CLIC4: variants seen among roughly 807,000 people sequenced by gnomAD.
CLIC4 encodes the protein CLIC family member 4, also known as chloride intracellular channel protein 4.
In CLIC4, 13 loss-of-function variants were observed where a neutral mutation model predicts 24.6. That is an observed-to-expected ratio of 0.53 (90% CI 0.34 to 0.84). CLIC4 has a LOEUF of 0.84. CLIC4 is among the 40% of genes least tolerant of loss of function. The pLI is 0.01. For missense variants in CLIC4, 227 were observed against 301.7 expected (o/e 0.75, Z 1.83); for synonymous variants, 104 against 111.3 (o/e 0.93, Z 0.41).
intron 1 of CLIC4, among the ~76,000 whole-genome samples, chr1:24,781,215 A>G (rs910242901): frequency 2.1e-5 from 3 of 141,828 alleles, no homozygotes; most frequent in African/African-American, 7.9e-5. Flanking sequence ...GCTCACTGCA[A>G]CCTCTGTCTC....
intron 1 of CLIC4, among the ~76,000 whole-genome samples, chr1:24,789,151 A>C (rs1639305206): frequency 6.6e-6 from 1 of 152,234 alleles, no homozygotes; most frequent in Non-Finnish European, 1.5e-5. Flanking sequence ...AAATTTCTAG[A>C]TATAAAATTA....
intron 2 of CLIC4, among the ~76,000 whole-genome samples, chr1:24,803,683 G>T (rs1014364159): frequency 2.0e-5 from 3 of 152,140 alleles, no homozygotes; most frequent in Non-Finnish European, 2.9e-5. Flanking sequence ...TTGAACAAAA[G>T]CTTCAGATAA....
chr1:24,746,253 T>G (rs754944060), intron 1 of CLIC4, among the ~76,000 whole-genome samples: 4 of 152,208 alleles, frequency 2.6e-5, no homozygotes, highest in Non-Finnish European at 4.4e-5. Context: ...TTACTGGCTT[T>G]CTCGTTTCTC....
chr1:24,776,386 T>A (rs796243237), intron 1 of CLIC4, among the ~76,000 whole-genome samples: 3 of 152,316 alleles, frequency 2.0e-5, no homozygotes, highest in African/African-American at 7.2e-5. Flanking sequence ...CCTCCAATAT[T>A]TGCCTGCTTT....
rs917252221 is a variant in CLIC4 at position 24,804,626 on chromosome 1, CAGAG to C, written c.182+6778_182+6781del. Among the ~76,000 whole-genome samples the C allele has an allele frequency of 1.6e-4, 25 of 151,662 alleles. No homozygotes were observed. In the East Asian group the frequency reaches 1.9e-3, roughly 12 times the overall value. ...GAGAGGGGAGGGAGATATAGACACACAGAGAGGGAGTATTTTGTTGCTATGTCTT... is the reference window on the plus strand; with the variant it reads ...GAGAGGGGAGGGAGATATAGACACACAGGGAGTATTTTGTTGCTATGTCTT... On this transcript the variant is annotated intron_variant, in intron 2 of 5. Transcript: ENST00000374379.
At chr1:24,836,807 C>T (rs1639890286) in intron 4 of CLIC4, among the ~76,000 whole-genome samples, 1 of 152,180 alleles carries the variant, frequency 6.6e-6, no homozygotes, top group Non-Finnish European at 1.5e-5. Flanking sequence ...CATTGCACCC[C>T]AGCCTGGGTG....
intron 2 of CLIC4, among the ~76,000 whole-genome samples, chr1:24,806,720 A>G (rs770199619): frequency 3.9e-5 from 6 of 152,202 alleles, no homozygotes; most frequent in Admixed American, 6.5e-5. Context: ...AAAACTGCCA[A>G]TCTGATTTCC....
intron 1 of CLIC4, among the ~76,000 whole-genome samples, chr1:24,751,528 G>C (rs951646111): frequency 6.6e-6 from 1 of 152,068 alleles, no homozygotes; most frequent in Non-Finnish European, 1.5e-5. Flanking sequence ...GTGAGCCACC[G>C]TGCCAGTCTT....
intron 4 of CLIC4, among the ~76,000 whole-genome samples, chr1:24,831,230 A>G (rs888532681): frequency 6.6e-6 from 1 of 152,128 alleles, no homozygotes; most frequent in Non-Finnish European, 1.5e-5. Flanking sequence ...TTTCTTTTGA[A>G]AAAAATTTAT....
intron 1 of CLIC4, among the ~76,000 whole-genome samples, chr1:24,758,307 G>T (rs1011345885): frequency 6.6e-6 from 1 of 150,556 alleles, no homozygotes; most frequent in East Asian, 1.9e-4. Flanking sequence ...GTATGTCCTA[G>T]TCTTTTTTTT....
At chr1:24,759,624 A>C (rs1286289971) in intron 1 of CLIC4, among the ~76,000 whole-genome samples, 1 of 151,996 alleles carries the variant, frequency 6.6e-6, no homozygotes, top group African/African-American at 2.4e-5. Context: ...AGTATTACTG[A>C]CTCTATTACA....
At chr1:24,816,106 T>C (rs1487864673) in intron 3 of CLIC4, among the ~76,000 whole-genome samples, 3 of 152,190 alleles carry the variant, frequency 2.0e-5, no homozygotes, top group Non-Finnish European at 4.4e-5. Context: ...TTTCAACACA[T>C]ATGTAGTTCC....
intron 1 of CLIC4, among the ~76,000 whole-genome samples, chr1:24,770,180 A>G (rs936462676): frequency 6.6e-6 from 1 of 152,130 alleles, no homozygotes; most frequent in African/African-American, 2.4e-5. Flanking sequence ...ATTGTTTTCC[A>G]ATTGAGAAAT....
intron 2 of CLIC4, among the ~76,000 whole-genome samples, chr1:24,806,109 T>C (rs1257149655): frequency 6.6e-6 from 1 of 152,230 alleles, no homozygotes; most frequent in Admixed American, 6.5e-5. Flanking sequence ...AAGTGTTGAG[T>C]ATTTACTGAA....
rs113486444 is a variant in CLIC4, at chr1:24,797,476, A to G, written c.73-266A>G. Among the ~76,000 whole-genome samples, 242 of 150,364 alleles carry G rather than the reference A, an allele frequency of 1.6e-3. 1 individual carries two copies. The highest frequency in any genetic ancestry group is 5.5e-3 in the African/African-American group (226 of 41,168). ...GTAGCTCCAGCTGCTTGGGAGGCTA[A>G]GATGGGAGGTGAAGGTTGCAGTGAG... On this transcript the variant is annotated intron_variant, in intron 1 of 5. Transcript: ENST00000374379.
At chr1:24,767,498 T>C (rs1207888884) in intron 1 of CLIC4, among the ~76,000 whole-genome samples, 1 of 152,222 alleles carries the variant, frequency 6.6e-6, no homozygotes, top group Non-Finnish European at 1.5e-5. Context: ...TGGGAACTTT[T>C]CATTCTTTAT....
intron 2 of CLIC4, among the ~76,000 whole-genome samples, chr1:24,798,792 A>G (rs1639436333): frequency 7.0e-6 from 1 of 143,182 alleles, no homozygotes; most frequent in Non-Finnish European, 1.5e-5. Context: ...AGTGCCTGCG[A>G]TTGCAGGCAC....
In CLIC4 at chr1:24,797,822, A is replaced by G. The variant is rs771297027; in HGVS notation, c.153A>G (p.Val51=). The G allele has an allele frequency of 1.9e-6, 3 of 1,613,328 alleles. No homozygotes were observed. The highest frequency in any genetic ancestry group is 1.3e-5 in the African/African-American group (1 of 74,890). ...TGATTCTTTGGCTCAAAGGAGTTGT[A>G]TTTAGTGTGACGACTGTTGACCTGA... ...LFMILWLKGV[V]FSVTTVDLKR... Residue 51 remains valine (V), a synonymous_variant, in exon 2 of 6, where the codon GTA becomes GTG. Transcript: ENST00000374379.
chr1:24,831,019 C>A (rs1639834574), intron 4 of CLIC4, among the ~76,000 whole-genome samples: 1 of 152,038 alleles, frequency 6.6e-6, no homozygotes, highest in Non-Finnish European at 1.5e-5. Context: ...ATTGGCCATA[C>A]CTTATGTTGA....
Sources: allele counts gnomAD v4.1 joint callset (sites outside exome capture counted in the v4.1 genomes callset), GRCh38; gene constraint gnomAD v4.1.1; transcripts MANE v1.5; gene names NCBI Gene and HGNC (gene_info 2026-07-23, HGNC 2026-07-21).